AQP8: variants seen among roughly 807,000 people sequenced by gnomAD.
The protein encoded by AQP8 is aquaporin 8, also known as aquaporin-8.
In AQP8, 14 loss-of-function variants were observed where a neutral mutation model predicts 26.1. The observed-to-expected ratio is 0.54, with a 90% confidence interval of 0.35 to 0.84. The LOEUF is 0.84. Ranked by LOEUF, AQP8 falls within the 40% of genes least tolerant of loss-of-function variation. The probability of loss-of-function intolerance (pLI) is 0.01; values close to 1 mark genes in which losing one functional copy is unlikely to be tolerated. For missense variants in AQP8, 301 were observed against 340.5 expected (o/e 0.88, Z 0.91); for synonymous variants, 131 against 150.7 (o/e 0.87, Z 0.96).
In AQP8 at chr16:25,216,953, T is replaced by C; in HGVS notation, c.-93T>C. 2 of 1,551,810 alleles carry C rather than the reference T, an allele frequency of 1.3e-6. No homozygotes were observed. Among genetic ancestry groups the C allele is most frequent in the Middle Eastern group, 1.7e-4 (1 of 5,914 alleles). ...CAGAGCCCATAGTGTGATCAGCAGG[T>C]CCTGTCCCTAGGAGATAAGAGTATC... On this transcript the variant is annotated 5_prime_UTR_variant, in exon 1 of 6. Coordinates refer to ENST00000219660, the MANE Select transcript of AQP8 (RefSeq NM_001169.3).
intron 2 of AQP8, among the ~76,000 whole-genome samples, chr16:25,219,215 C>A (rs1436122570): frequency 1.3e-5 from 2 of 151,556 alleles, no homozygotes; most frequent in African/African-American, 2.4e-5. Flanking sequence ...TGTAACTTTG[C>A]CAATGCCACA....
intron 4 of AQP8, among the ~76,000 whole-genome samples, chr16:25,225,450 G>A (rs1268820645): frequency 6.7e-6 from 1 of 150,090 alleles, no homozygotes; most frequent in Non-Finnish European, 1.5e-5. Flanking sequence ...CCCCCTAGTG[G>A]TCTTTGATTC....
chr16:25,221,326 T>C (rs2075653914), intron 2 of AQP8, 131 bp from the exon 3 acceptor site: 1 of 1,118,104 alleles, frequency 8.9e-7, no homozygotes, highest in Non-Finnish European at 1.3e-6. Context: ...CTCTTTGTAT[T>C]TGAGCTGGGC....
At chr16:25,217,154 C>T (rs754862276) in intron 1 of AQP8, 44 bp from the exon 2 acceptor site, 1 of 1,613,202 alleles carries the variant, frequency 6.2e-7, no homozygotes, top group Non-Finnish European at 8.5e-7. Context: ...TATATCTGGA[C>T]TTGCCTCCCA....
At chr16:25,221,032 C>T (rs560415010) in intron 2 of AQP8, among the ~76,000 whole-genome samples, 2 of 152,234 alleles carry the variant, frequency 1.3e-5, no homozygotes, top group African/African-American at 4.8e-5. Context: ...GCCCGCGCGA[C>T]AGAGCAAGAC....
chr16:25,218,701 G>A (rs1962519622), intron 2 of AQP8, among the ~76,000 whole-genome samples: 1 of 152,124 alleles, frequency 6.6e-6, no homozygotes, highest in Non-Finnish European at 1.5e-5. Context: ...CCAACAGGGT[G>A]AAACCCTGTC....
rs1962500902 is a variant in AQP8 at position 25,217,309 on chromosome 16, C to T, written c.124C>T (p.Leu42=). The T allele has an allele frequency of 6.2e-7, 1 of 1,614,192 alleles. No individual in the cohort carries two copies. The highest frequency in any genetic ancestry group is 8.5e-7 in the Non-Finnish European group (1 of 1,180,028). The change falls in exon 2 of 6, where the codon CTG becomes TTG. Residue 42 remains leucine, a synonymous_variant. Coordinates refer to ENST00000219660, the MANE Select transcript of AQP8 (RefSeq NM_001169.3). ...GTTTGTGCAGCCATGTCTGGTCGAACTGCTGGGCTCTGCTCTCTTCATCTT... is the reference window on the plus strand; with the variant it reads ...GTTTGTGCAGCCATGTCTGGTCGAATTGCTGGGCTCTGCTCTCTTCATCTT... The part of the protein sequence containing the change: ...ERFVQPCLVE[L]LGSALFIFIG...
chr16:25,228,399 T>A (rs1181283032), intron 5 of AQP8, 45 bp from the exon 6 acceptor site: 1 of 1,604,854 alleles, frequency 6.2e-7, no homozygotes, highest in Non-Finnish European at 8.5e-7. Flanking sequence ...AAGGGCTGGG[T>A]CTCACCTCCG....
intron 5 of AQP8, 22 bp downstream of exon 5, chr16:25,227,224 A>G (rs1962648067): frequency 6.2e-7 from 1 of 1,613,550 alleles, no homozygotes; most frequent in South Asian, 1.1e-5. Flanking sequence ...ACACAGGGTC[A>G]CCGGCCCATT....
At position 25,217,404 on chromosome 16, in the gene AQP8, G is replaced by T. The variant is rs756699865; in HGVS notation, c.219G>T (p.Gly73=). Residue 73 remains glycine (G), a synonymous_variant, in exon 2 of 6, where the codon GGG becomes GGT. Transcript: ENST00000219660. Reference sequence around the variant, plus strand: ...TGCTGCAGCCGGCCCTGGCCCACGGGCTGGCTTTGGGGCTCGTGATTGCCA... The same window carrying T: ...TGCTGCAGCCGGCCCTGGCCCACGGTCTGGCTTTGGGGCTCGTGATTGCCA... ...TGLLQPALAH[G]LALGLVIATL... is the part of the protein sequence containing the mutation. The T allele has an allele frequency of 6.2e-7, 1 of 1,614,172 alleles. No homozygotes were observed. The highest frequency in any genetic ancestry group is 1.1e-5 in the South Asian group (1 of 91,080).
chr16:25,224,441 G>A lies in AQP8; in HGVS notation c.467G>A (p.Gly156Glu), dbSNP rs767177408. ...GTCCAGGAGCAGGGGCAGGTGGCAG[G>A]GGCGTTGGTGGCAGAGATCATCCTG... ...VTVQEQGQVA[G>E]ALVAEIILTT... The change falls in exon 4 of 6, where the codon GGG becomes GAG. Residue 156 changes from glycine to glutamate, a missense_variant. Physicochemically the swap from Gly to Glu is moderately conservative, Grantham distance 98. Transcript: ENST00000219660. The A allele has an allele frequency of 4.3e-6, 7 of 1,614,208 alleles. 1 individual carries two copies. Among genetic ancestry groups the A allele is most frequent in the South Asian group, 2.2e-5 (2 of 91,086 alleles).
rs111837399 is a variant in AQP8, at chr16:25,224,701, A to C, written c.602+125A>C. The C allele has an allele frequency of 2.0e-3, 1,990 of 1,004,742 alleles. 32 individuals carry two copies. The African/African-American group carries it at 0.028, about 14-fold the overall frequency. 62.2% of individuals were successfully genotyped at this position (1,004,742 alleles called of 1,614,324 possible). On this transcript the variant is annotated intron_variant, in intron 4 of 5. Transcript: ENST00000219660. ...GGCCAGGAAGGTGCTGCAAATGGGGAGGGGGGCTGGCATCAGGCAGACAAC... is the reference window on the plus strand; with the variant it reads ...GGCCAGGAAGGTGCTGCAAATGGGGCGGGGGGCTGGCATCAGGCAGACAAC...
chr16:25,228,374 C>A, intron 5 of AQP8, 70 bp from the exon 6 acceptor site: 1 of 1,481,880 alleles, frequency 6.7e-7, no homozygotes, highest in Non-Finnish European at 9.4e-7. Flanking sequence ...GACTTCTGAG[C>A]CTGGAGACAT....
intron 2 of AQP8, among the ~76,000 whole-genome samples, chr16:25,219,352 C>T (rs897423876): frequency 6.6e-6 from 1 of 151,238 alleles, no homozygotes; most frequent in African/African-American, 2.4e-5. Context: ...GCACCTATTG[C>T]GTGCCAGACA....
At chr16:25,228,092 C>A (rs879725885) in intron 5 of AQP8, among the ~76,000 whole-genome samples, 2 of 151,680 alleles carry the variant, frequency 1.3e-5, no homozygotes, top group Non-Finnish European at 2.9e-5. Flanking sequence ...ATGGTTAAAA[C>A]CCTGTCTCTA....
At chr16:25,222,671 GT>G (rs1962578617) in intron 3 of AQP8, among the ~76,000 whole-genome samples, 1 of 149,446 alleles carries the variant, frequency 6.7e-6, no homozygotes, top group Non-Finnish European at 1.5e-5. Context: ...CTTGCTTGGT[GT>G]GTGTGTGGGG....
chr16:25,227,345 C>A, intron 5 of AQP8, 143 bp downstream of exon 5: 1 of 989,650 alleles, frequency 1.0e-6, no homozygotes, highest in Non-Finnish European at 1.5e-6. Flanking sequence ...GAAAATGGCT[C>A]CATCTAGGAG....
chr16:25,223,259 C>T lies in AQP8; in HGVS notation c.388-1103C>T, dbSNP rs544239773. Reference sequence around the variant, plus strand: ...TGTGCACTGCACTGTCTTTCCCCTTCGGGGCTGTGATAGCCCTGAGGCCGA... The same window carrying T: ...TGTGCACTGCACTGTCTTTCCCCTTTGGGGCTGTGATAGCCCTGAGGCCGA... On this transcript the variant is annotated intron_variant, in intron 3 of 5. Coordinates refer to ENST00000219660, the MANE Select transcript of AQP8 (RefSeq NM_001169.3). Among the ~76,000 whole-genome samples the T allele has an allele frequency of 1.4e-4, 22 of 152,388 alleles. No homozygotes were observed. In the East Asian group the frequency reaches 1.5e-3, roughly 11 times the overall value.
intron 3 of AQP8, among the ~76,000 whole-genome samples, chr16:25,223,830 C>CTTT (rs112495757): frequency 6.9e-6 from 1 of 144,452 alleles, no homozygotes; most frequent in Non-Finnish European, 1.5e-5. Context: ...TTTTCTTTTT[C>CTTT]TTTTTTTTTT....
Sources: allele counts gnomAD v4.1 joint callset (sites outside exome capture counted in the v4.1 genomes callset), GRCh38; gene constraint gnomAD v4.1.1; transcripts MANE v1.5; gene names NCBI Gene and HGNC (gene_info 2026-07-23, HGNC 2026-07-21).